The following JMJD1C variants were observed in gnomAD, a reference collection of about 807,000 sequenced individuals.
JMJD1C encodes the protein jumonji domain-containing protein 1C.
In JMJD1C, 31 loss-of-function variants were observed where a neutral mutation model predicts 245.3. That is an observed-to-expected ratio of 0.13 (90% CI 0.09 to 0.17). JMJD1C has a LOEUF of 0.17. Among genes scored for constraint, JMJD1C ranks in the 10% least tolerant of loss-of-function variants. The pLI is 1.00. For synonymous variants in JMJD1C, 1,057 were observed against 1,017.4 expected (o/e 1.04, Z -0.74); for missense variants, 2,691 against 3,000.2 (o/e 0.90, Z 2.41).
intron 3 of JMJD1C, among the ~76,000 whole-genome samples, chr10:63,225,008 G>A (rs974943100): frequency 6.6e-6 from 1 of 151,778 alleles, no homozygotes; most frequent in Non-Finnish European, 1.5e-5. Flanking sequence ...GTTGCAGTGA[G>A]CCGAGATTGC....
intron 2 of JMJD1C, among the ~76,000 whole-genome samples, chr10:63,269,682 T>A (rs1048281768): frequency 1.3e-5 from 2 of 152,134 alleles, no homozygotes; most frequent in African/African-American, 4.8e-5. Flanking sequence ...CTCATAGGCA[T>A]TTTACTAAAA....
chr10:63,485,733 A>G (rs1337550804), intron 1 of JMJD1C, among the ~76,000 whole-genome samples: 1 of 152,214 alleles, frequency 6.6e-6, no homozygotes, highest in Non-Finnish European at 1.5e-5. Context: ...TTTAAATAAC[A>G]GTGCTATATG....
chr10:63,351,661 T>G (rs1203967132), intron 2 of JMJD1C, among the ~76,000 whole-genome samples: 1 of 152,160 alleles, frequency 6.6e-6, no homozygotes. Context: ...CCTCTGTTCA[T>G]GCAAAGAAGA....
At chr10:63,253,211 T>C (rs1853350533) in intron 3 of JMJD1C, among the ~76,000 whole-genome samples, 2 of 152,136 alleles carry the variant, frequency 1.3e-5, no homozygotes, top group African/African-American at 4.8e-5. Flanking sequence ...TAAGGACAGA[T>C]ATATAGACCA....
chr10:63,480,323 AT>A (rs35705943), intron 1 of JMJD1C, among the ~76,000 whole-genome samples: 89,049 of 145,900 alleles, frequency 0.61, 29,260 homozygotes, highest in Non-Finnish European at 0.77. Context: ...CTATAGTTTG[AT>A]TTTTTTTTTT....
chr10:63,341,995 A>G (rs76376063), intron 2 of JMJD1C, among the ~76,000 whole-genome samples: 3,678 of 152,304 alleles, frequency 0.024, 106 homozygotes, highest in African/African-American at 0.067. Context: ...TTGTAACTAT[A>G]TTCAGTGATG....
chr10:63,504,589 AG>A (rs1283817322), intron 1 of JMJD1C, among the ~76,000 whole-genome samples: 3 of 152,180 alleles, frequency 2.0e-5, no homozygotes, highest in African/African-American at 7.2e-5. Context: ...GAATTTGGAA[AG>A]GCAAGCAGGG....
intron 2 of JMJD1C, among the ~76,000 whole-genome samples, chr10:63,369,422 C>A (rs1342827552): frequency 6.6e-6 from 1 of 152,108 alleles, no homozygotes; most frequent in Non-Finnish European, 1.5e-5. Context: ...GGATTACAGG[C>A]GTTTGCTACC....
chr10:63,268,826 A>G, intron 2 of JMJD1C: 3 of 985,838 alleles, frequency 3.0e-6, no homozygotes, highest in Non-Finnish European at 3.6e-6. Context: ...TCTCAAACCA[A>G]GCATTTCTGA....
At chr10:63,248,561 A>T (rs1852596410) in intron 3 of JMJD1C, among the ~76,000 whole-genome samples, 3 of 151,880 alleles carry the variant, frequency 2.0e-5, no homozygotes, top group African/African-American at 7.3e-5. Flanking sequence ...TAAATAAATA[A>T]ATAAATGACA....
At chr10:63,434,137 A>G (rs1310631110) in intron 1 of JMJD1C, among the ~76,000 whole-genome samples, 1 of 152,308 alleles carries the variant, frequency 6.6e-6, no homozygotes, top group East Asian at 1.9e-4. Flanking sequence ...TGGGGCTAAC[A>G]TCTATTGGGT....
At chr10:63,449,044 G>A (rs1291225242) in intron 1 of JMJD1C, among the ~76,000 whole-genome samples, 2 of 152,104 alleles carry the variant, frequency 1.3e-5, no homozygotes, top group Non-Finnish European at 1.5e-5. Flanking sequence ...TTGAACCCAG[G>A]AGGCAGAGGC....
At chr10:63,199,798 T>G (rs1035495448) in intron 11 of JMJD1C, among the ~76,000 whole-genome samples, 1 of 152,180 alleles carries the variant, frequency 6.6e-6, no homozygotes, top group Non-Finnish European at 1.5e-5. Context: ...GCTACCAGCA[T>G]AGAGTATTCA....
intron 1 of JMJD1C, among the ~76,000 whole-genome samples, chr10:63,453,189 C>T (rs952687555): frequency 1.3e-5 from 2 of 152,120 alleles, no homozygotes; most frequent in South Asian, 2.1e-4. Context: ...GCATGAGAAT[C>T]GCTTGAACCC....
At chr10:63,205,593 G>A (rs552737849) in intron 10 of JMJD1C, among the ~76,000 whole-genome samples, 2 of 152,304 alleles carry the variant, frequency 1.3e-5, no homozygotes, top group South Asian at 4.1e-4. Flanking sequence ...GAGGATGTGT[G>A]TAGGTTACAT....
chr10:63,469,805 C>T (rs1953433354), upstream of JMJD1C, among the ~76,000 whole-genome samples: 1 of 152,052 alleles, frequency 6.6e-6, no homozygotes, highest in East Asian at 1.9e-4. Context: ...GGCTAAGAAT[C>T]GTGCAAGCCA....
chr10:63,385,614 T>C (rs1298227143), intron 1 of JMJD1C, among the ~76,000 whole-genome samples: 1 of 151,764 alleles, frequency 6.6e-6, no homozygotes, highest in Non-Finnish European at 1.5e-5. Flanking sequence ...AATGTTTCTT[T>C]TTTAAATTTA....
At position 63,208,622 on chromosome 10, in the gene JMJD1C, T is replaced by C; in HGVS notation, c.3047A>G (p.Asn1016Ser). The C allele has an allele frequency of 6.2e-7, 1 of 1,614,076 alleles. No individual in the cohort carries two copies. Among genetic ancestry groups the C allele is most frequent in the South Asian group, 1.1e-5 (1 of 91,076 alleles). Residue 1016 changes from asparagine (N) to serine (S), a missense_variant, in exon 10 of 26, where the codon AAC (asparagine) becomes AGC (serine). Coordinates refer to ENST00000399262, the MANE Select transcript of JMJD1C (RefSeq NM_032776.3). Reference protein sequence around the residue: ...RPPQETGERLNKYKEEHRRIL... With the variant: ...RPPQETGERLSKYKEEHRRIL... ...TCGACGGTGTTCCTCTTTGTATTTG[T>C]TTAACCTCTCTCCAGTCTCCTGGGG...
At chr10:63,502,507 G>A (rs151054319) in intron 1 of JMJD1C, among the ~76,000 whole-genome samples, 1 of 151,844 alleles carries the variant, frequency 6.6e-6, no homozygotes, top group Non-Finnish European at 1.5e-5. Flanking sequence ...GCATGGTGGC[G>A]GGCATCTACA....
Sources: allele counts gnomAD v4.1 joint callset (sites outside exome capture counted in the v4.1 genomes callset), GRCh38; gene constraint gnomAD v4.1.1; transcripts MANE v1.5; gene names NCBI Gene and HGNC (gene_info 2026-07-23, HGNC 2026-07-21).